FBXO46: variants seen among roughly 807,000 people sequenced by gnomAD.
FBXO46 encodes the protein F-box protein 46, also known as F-box only protein 46.
FBXO46 carries 13 observed loss-of-function variants against 30.7 expected under a neutral mutation model. That is an observed-to-expected ratio of 0.42 (90% CI 0.28 to 0.67). FBXO46 has a LOEUF of 0.67. Among genes scored for constraint, FBXO46 ranks in the 30% least tolerant of loss-of-function variants. The probability of loss-of-function intolerance (pLI) is 0.21; values close to 1 mark genes in which losing one functional copy is unlikely to be tolerated. For synonymous variants in FBXO46, 467 were observed against 385.8 expected (o/e 1.21, Z -2.47); for missense variants, 754 against 871.5 (o/e 0.87, Z 1.70).
intron 1 of FBXO46, among the ~76,000 whole-genome samples, chr19:45,729,815 G>A (rs1275157603): frequency 6.6e-6 from 1 of 152,206 alleles, no homozygotes; most frequent in Non-Finnish European, 1.5e-5. Flanking sequence ...ATCCACAGTG[G>A]GGAGCCCCTA....
At chr19:45,730,127 G>A (rs954704131) in intron 1 of FBXO46, among the ~76,000 whole-genome samples, 1 of 152,056 alleles carries the variant, frequency 6.6e-6, no homozygotes, top group Admixed American at 6.6e-5. Context: ...TGGAAGAATA[G>A]GGGATATGAA....
At position 45,713,457 on chromosome 19, in the gene FBXO46, G is replaced by C; in HGVS notation, c.39C>G (p.Cys13Trp). Residue 13 changes from cysteine (C) to tryptophan (W), a missense_variant, in exon 2 of 2, where the codon TGC (cysteine) becomes TGG (tryptophan). Cys to Trp is a radical substitution (Grantham distance 215, BLOSUM62 -2). Coordinates refer to ENST00000317683, the MANE Select transcript of FBXO46 (RefSeq NM_001080469.2). The surrounding 1 kb of genome is among the most constrained non-coding windows in gnomAD (Gnocchi z 4.7). ...GTGAGTAGGTGCCAAAGGGCCGGGG[G>C]CACCATAGCTGGAAGGGCAGGAGGC... ...RGSLLPFQLW[C>W]PRPFGTYSQN... The C allele has an allele frequency of 6.3e-7, 1 of 1,589,782 alleles. No homozygotes were observed. The highest frequency in any genetic ancestry group is 8.6e-7 in the Non-Finnish European group (1 of 1,163,706).
At position 45,713,919 on chromosome 19, in the gene FBXO46, G is replaced by A. The variant is rs1968045098; in HGVS notation, c.-78-346C>T. 1.5e-5 allele frequency among the ~76,000 whole-genome samples: 2 copies of A among 136,528 alleles called. No individual in the cohort carries two copies. The highest frequency in any genetic ancestry group is 2.8e-5 in the African/African-American group (1 of 36,046). 89.6% of individuals were successfully genotyped at this position (136,528 alleles called of 152,430 possible). ...GGAGGTGGAGGTTGCAGCGAGACCAGATGGCACCATTACACTCCAGCCTGG... is the reference window on the plus strand; with the variant it reads ...GGAGGTGGAGGTTGCAGCGAGACCAAATGGCACCATTACACTCCAGCCTGG... On this transcript the variant is annotated intron_variant, in intron 1 of 1. Transcript: ENST00000317683. The surrounding 1 kb of genome is among the most constrained non-coding windows in gnomAD (Gnocchi z 4.7).
In FBXO46 at chr19:45,711,420, G is replaced by T; in HGVS notation, c.*264C>A. On this transcript the variant is annotated 3_prime_UTR_variant, in exon 2 of 2. Transcript: ENST00000317683. ...GGCAGGGAGGGGGTTGGGGCTGAAT[G>T]GAGAAGAAAGTGAGATGCTGATAAA... 1.6e-6 allele frequency: 1 copy of T among 641,498 alleles called. No individual in the cohort carries two copies. Among genetic ancestry groups the T allele is most frequent in the Non-Finnish European group, 2.9e-6 (1 of 348,036 alleles). The allele number at this position is 641,498 out of a possible 1,614,324, so 39.7% of individuals were successfully genotyped here.
At chr19:45,728,042 T>G (rs1968262532) in intron 1 of FBXO46, among the ~76,000 whole-genome samples, 1 of 152,180 alleles carries the variant, frequency 6.6e-6, no homozygotes, top group African/African-American at 2.4e-5. Flanking sequence ...GTTCAAGAGA[T>G]TCTCCTGCCT....
At chr19:45,721,767 C>T (rs1037460934) in intron 1 of FBXO46, among the ~76,000 whole-genome samples, 3 of 151,576 alleles carry the variant, frequency 2.0e-5, no homozygotes, top group African/African-American at 4.9e-5. Flanking sequence ...AGGATGGTCT[C>T]GGTCTCCTGA....
intron 1 of FBXO46, among the ~76,000 whole-genome samples, chr19:45,728,663 C>T (rs1007247372): frequency 1.3e-5 from 2 of 151,668 alleles, no homozygotes; most frequent in African/African-American, 4.9e-5. Context: ...AAGTAAGACC[C>T]GCGTCTCTAC....
Position 45,712,905 on chromosome 19 carries a change from C to A in FBXO46, c.591G>T (p.Ala197=). 1.2e-6 allele frequency: 2 copies of A among 1,612,468 alleles called. No individual in the cohort carries two copies. Among genetic ancestry groups the A allele is most frequent in the East Asian group, 2.2e-5 (1 of 44,824 alleles). ...GCTCGGCGGACACAAAGACTACAGG[C>A]GCTGGGGTGGTCGGTCGTGGGTAGC... The part of the protein sequence containing the change: ...LQSYPRPTTP[A]PVVFVSAEQG... The change falls in exon 2 of 2, where the codon GCG becomes GCT. Residue 197 remains alanine (A), a synonymous_variant. Transcript: ENST00000317683. The surrounding 1 kb of genome is among the most constrained non-coding windows in gnomAD (Gnocchi z 8.8).
At chr19:45,719,098 A>C (rs984056665) in intron 1 of FBXO46, among the ~76,000 whole-genome samples, 1 of 151,844 alleles carries the variant, frequency 6.6e-6, no homozygotes, top group African/African-American at 2.4e-5. Flanking sequence ...AAAATACACA[A>C]ATTAGCAGGG....
intron 1 of FBXO46, among the ~76,000 whole-genome samples, chr19:45,720,119 CCTT>C (rs1968149504): frequency 6.6e-6 from 1 of 151,682 alleles, no homozygotes; most frequent in Non-Finnish European, 1.5e-5. Flanking sequence ...ATCTCAGCTG[CCTT>C]CTTTTTTGTT....
upstream of FBXO46, chr19:45,731,004 G>A (rs1209959434): frequency 6.6e-6 from 1 of 152,284 alleles, no homozygotes; most frequent in South Asian, 2.1e-4. Flanking sequence ...GTCAAGCTTG[G>A]AGGTGGGGTA....
In FBXO46 at chr19:45,711,404, G is replaced by T; in HGVS notation, c.*280C>A. Reference sequence around the variant, plus strand: ...TTGGGGTGGAAAGCATGGCAGGGAGGGGGTTGGGGCTGAATGGAGAAGAAA... The same window carrying T: ...TTGGGGTGGAAAGCATGGCAGGGAGTGGGTTGGGGCTGAATGGAGAAGAAA... On this transcript the variant is annotated 3_prime_UTR_variant, in exon 2 of 2. Coordinates refer to ENST00000317683, the MANE Select transcript of FBXO46 (RefSeq NM_001080469.2). 1.6e-6 allele frequency: 1 copy of T among 612,778 alleles called. No homozygotes were observed. The allele number at this position is 612,778 out of a possible 1,614,324, so 38.0% of individuals were successfully genotyped here.
upstream of FBXO46, among the ~76,000 whole-genome samples, chr19:45,732,128 A>AG (rs1555781886): frequency 2.4e-4 from 36 of 151,286 alleles, 1 homozygote; most frequent in East Asian, 4.7e-3. Context: ...AAAAAAAAAA[A>AG]AAGAAGAAGA....
intron 1 of FBXO46, among the ~76,000 whole-genome samples, chr19:45,719,102 A>G (rs1314435798): frequency 1.3e-5 from 2 of 151,986 alleles, no homozygotes; most frequent in African/African-American, 4.8e-5. Context: ...TACACAAATT[A>G]GCAGGGTGTG....
chr19:45,723,132 G>T (rs148273601), intron 1 of FBXO46, among the ~76,000 whole-genome samples: 35 of 152,164 alleles, frequency 2.3e-4, no homozygotes, highest in African/African-American at 7.7e-4. Flanking sequence ...CAGCACTTTG[G>T]GGGGCCAGGG....
rs1968016648 is a variant in FBXO46 at position 45,712,880 on chromosome 19, G to C, written c.616C>G (p.Gln206Glu). 1 of 1,613,448 alleles carries C rather than the reference G, an allele frequency of 6.2e-7. No homozygotes were observed. The change falls in exon 2 of 2, where the codon CAA becomes GAA. Residue 206 changes from glutamine (Q) to glutamate (E), a missense_variant. Physicochemically the swap from Gln to Glu is conservative, Grantham distance 29. This residue lies in a region of FBXO46 where 454 missense variants were observed against 426.5 expected (regional missense o/e 1.06). Coordinates refer to ENST00000317683, the MANE Select transcript of FBXO46 (RefSeq NM_001080469.2). The surrounding 1 kb of genome is among the most constrained non-coding windows in gnomAD (Gnocchi z 8.8). ...PAPVVFVSAE[Q>E]GGPAKGVGSE... The stretch of plus-strand genomic sequence containing the variant: ...CCCACCCCCTTGGCCGGTCCACCTT[G>C]CTCGGCGGACACAAAGACTACAGGC...
At chr19:45,725,040 ACTTGAGGCCAGGAG>A (rs1968219201) in intron 1 of FBXO46, among the ~76,000 whole-genome samples, 3 of 151,958 alleles carry the variant, frequency 2.0e-5, no homozygotes, top group Admixed American at 2.0e-4. Context: ...CAGGAGGATC[ACTTGAGGCCAGGAG>A]CTTGAGGCTG....
chr19:45,729,032 C>A (rs1968274940), intron 1 of FBXO46, among the ~76,000 whole-genome samples: 1 of 151,864 alleles, frequency 6.6e-6, no homozygotes. Context: ...ATTGCTTGAA[C>A]CCGGGAGGCG....
Position 45,712,152 on chromosome 19 carries a change from C to T in FBXO46, c.1344G>A (p.Leu448=), listed in dbSNP as rs773768972. The change falls in exon 2 of 2, where the codon TTG becomes TTA. Residue 448 remains leucine (L), a synonymous_variant. Transcript: ENST00000317683. This position sits in a 1 kb window ranked among gnomAD's most constrained non-coding sequence, Gnocchi z 8.8. The stretch of plus-strand genomic sequence containing the variant: ...GGAAGTCGTGCGACACGTGCCGGTA[C>T]AAGCGGCACAGGGAGGTGTCCGCCG... ...EGTADTSLCR[L]YRHVSHDFLE... 1 of 1,595,206 alleles carries T rather than the reference C, an allele frequency of 6.3e-7. No homozygotes were observed. Among genetic ancestry groups the T allele is most frequent in the South Asian group, 1.1e-5 (1 of 89,422 alleles).
Sources: allele counts gnomAD v4.1 joint callset (sites outside exome capture counted in the v4.1 genomes callset), GRCh38; gene constraint gnomAD v4.1.1; regional missense constraint gnomAD v4.1.1; non-coding constraint Gnocchi (gnomAD v3.1); transcripts MANE v1.5; gene names NCBI Gene and HGNC (gene_info 2026-07-23, HGNC 2026-07-21).